SMG7: variants seen among roughly 807,000 people sequenced by gnomAD.
The protein encoded by SMG7 is nonsense-mediated mRNA decay factor SMG7.
SMG7 carries 34 observed loss-of-function variants against 148.2 expected under a neutral mutation model. That is an observed-to-expected ratio of 0.23 (90% CI 0.17 to 0.31). SMG7 has a LOEUF of 0.31. Among genes scored for constraint, SMG7 ranks in the 10% least tolerant of loss-of-function variants. The probability of loss-of-function intolerance (pLI) is 1.00; values close to 1 mark genes in which losing one functional copy is unlikely to be tolerated. For missense variants in SMG7, 1,114 were observed against 1,408.4 expected (o/e 0.79, Z 3.35); for synonymous variants, 492 against 515.1 (o/e 0.96, Z 0.61).
At position 183,481,827 on chromosome 1, in the gene SMG7, A is replaced by T. The variant is rs1016574595; in HGVS notation, c.29+9178A>T. Among the ~76,000 whole-genome samples the T allele has an allele frequency of 2.0e-5, 3 of 150,860 alleles. No individual in the cohort carries two copies. In the Admixed American group the frequency reaches 2.1e-4, roughly 10 times the overall value. On this transcript the variant is annotated intron_variant, in intron 1 of 22. Transcript: ENST00000688051. ...TGAACACCAGAGTTCAGTTTTACTT[A>T]TTTTTTTATTTTTCTCAGAGACAGG...
chr1:183,498,753 A>G (rs750556088), intron 1 of SMG7, among the ~76,000 whole-genome samples: 14 of 152,182 alleles, frequency 9.2e-5, no homozygotes, highest in Non-Finnish European at 1.8e-4. Context: ...ACTTACATTG[A>G]CACATCATAT....
rs982767950 is a variant in SMG7 at position 183,472,612 on chromosome 1, C to T, written c.-9C>T. The T allele has an allele frequency of 4.8e-6, 7 of 1,444,142 alleles. No individual in the cohort carries two copies. The highest frequency in any genetic ancestry group is 2.8e-5 in the East Asian group (1 of 35,510). 89.5% of individuals were successfully genotyped at this position (1,444,142 alleles called of 1,614,324 possible). Reference sequence around the variant, plus strand: ...GCTTCGCGGGAAGACGCGGCGGCGGCGGCGGAGGATGAGCCTGCAGAGCGC... The same window carrying T: ...GCTTCGCGGGAAGACGCGGCGGCGGTGGCGGAGGATGAGCCTGCAGAGCGC... On this transcript the variant is annotated 5_prime_UTR_variant, in exon 1 of 23. Transcript: ENST00000688051.
At chr1:183,491,511 A>G (rs980825088) in intron 1 of SMG7, among the ~76,000 whole-genome samples, 4 of 152,216 alleles carry the variant, frequency 2.6e-5, no homozygotes, top group African/African-American at 9.6e-5. Context: ...AATGTTACAT[A>G]CATGCACATA....
At chr1:183,479,331 C>A (rs886508694) in intron 1 of SMG7, among the ~76,000 whole-genome samples, 1 of 152,106 alleles carries the variant, frequency 6.6e-6, no homozygotes, top group African/African-American at 2.4e-5. Flanking sequence ...CATTGTAAGA[C>A]GTTCAGCAGC....
intron 1 of SMG7, among the ~76,000 whole-genome samples, chr1:183,507,164 C>G (rs1661121088): frequency 6.6e-6 from 1 of 152,116 alleles, no homozygotes; most frequent in Non-Finnish European, 1.5e-5. Flanking sequence ...CAGGCGTGAG[C>G]CAGTGCCCAG....
chr1:183,508,597 T>C (rs956658412), intron 1 of SMG7, among the ~76,000 whole-genome samples: 2 of 152,210 alleles, frequency 1.3e-5, no homozygotes, highest in African/African-American at 4.8e-5. Flanking sequence ...TCTCATATAT[T>C]GTACACTGTT....
At chr1:183,550,115 C>CTA in intron 20 of SMG7, 192 bp downstream of exon 20, 1 of 511,984 alleles carries the variant, frequency 2.0e-6, no homozygotes, top group Non-Finnish European at 3.4e-6. Context: ...ATAAATGCTA[C>CTA]TGACAAAACT....
intron 4 of SMG7, among the ~76,000 whole-genome samples, chr1:183,520,766 C>T (rs1387626091): frequency 6.6e-6 from 1 of 152,072 alleles, no homozygotes; most frequent in Non-Finnish European, 1.5e-5. Context: ...TAAACCAAAA[C>T]AGATCTGTAA....
chr1:183,547,342 T>G, intron 18 of SMG7, 90 bp downstream of exon 18: 1 of 1,205,532 alleles, frequency 8.3e-7, no homozygotes, highest in South Asian at 1.7e-5. Context: ...ATTTCTTCTC[T>G]TCCTGGGGCT....
At chr1:183,510,158 T>C (rs951514875) in intron 1 of SMG7, among the ~76,000 whole-genome samples, 9 of 152,122 alleles carry the variant, frequency 5.9e-5, no homozygotes, top group African/African-American at 1.9e-4. Flanking sequence ...TAGGGAAGCA[T>C]AGTAAAGTAT....
In SMG7 at chr1:183,490,177, A is replaced by G. The variant is rs115330091; in HGVS notation, c.29+17528A>G. On this transcript the variant is annotated intron_variant, in intron 1 of 22. Transcript: ENST00000688051. ...GTAACACTTGAGCAAATTTGCTACA[A>G]TGATAAAAGACCCTAACTGCAAGTT... Among the ~76,000 whole-genome samples the G allele has an allele frequency of 8.4e-3, 1,283 of 152,364 alleles. 23 individuals carry two copies. The highest frequency in any genetic ancestry group is 0.029 in the African/African-American group (1,216 of 41,592).
intron 4 of SMG7, among the ~76,000 whole-genome samples, chr1:183,523,555 T>C (rs1665210607): frequency 6.6e-6 from 1 of 152,218 alleles, no homozygotes. Flanking sequence ...TACAAAGTAA[T>C]GTACATCAGG....
intron 2 of SMG7, 121 bp downstream of exon 2, chr1:183,512,989 C>A: frequency 1.3e-6 from 1 of 798,324 alleles, no homozygotes. Flanking sequence ...AAGGGATGAT[C>A]ATTTACTATC....
chr1:183,477,518 A>G (rs570519921), intron 1 of SMG7, among the ~76,000 whole-genome samples: 3 of 149,418 alleles, frequency 2.0e-5, no homozygotes, highest in Admixed American at 6.7e-5. Context: ...GCATATATAC[A>G]TGTGTGTGCA....
intron 11 of SMG7, 43 bp from the exon 12 acceptor site, chr1:183,538,337 A>AT: frequency 7.0e-7 from 1 of 1,425,252 alleles, no homozygotes; most frequent in Non-Finnish European, 9.9e-7. Flanking sequence ...ACCAAACAAC[A>AT]TTTTAATTAA....
In SMG7 at chr1:183,545,302, G is replaced by A; in HGVS notation, c.2360G>A (p.Gly787Glu). ...GGGAAAAGCCCGCCTCACCACTCTGGATTCCAGCAGGTAAGTTACAGTTGT... is the reference window on the plus strand; with the variant it reads ...GGGAAAAGCCCGCCTCACCACTCTGAATTCCAGCAGGTAAGTTACAGTTGT... ...ALGKSPPHHS[G>E]FQQYQQADAS... Residue 787 changes from glycine (G) to glutamate (E), a missense_variant, in exon 16 of 23, where the codon GGA becomes GAA. Coordinates refer to ENST00000688051, the MANE Select transcript of SMG7 (RefSeq NM_001375584.1). 1 of 1,608,800 alleles carries A rather than the reference G, an allele frequency of 6.2e-7. No homozygotes were observed. The highest frequency in any genetic ancestry group is 1.1e-5 in the South Asian group (1 of 91,080).
intron 1 of SMG7, among the ~76,000 whole-genome samples, chr1:183,508,367 A>AT (rs889133623): frequency 7.2e-5 from 11 of 151,774 alleles, no homozygotes; most frequent in African/African-American, 2.4e-4. Flanking sequence ...CTAATTTTTT[A>AT]TTTTTTGTAG....
rs1671268017 is a variant in SMG7 at position 183,552,820 on chromosome 1, T to C, written c.*889T>C. 1.4e-6 allele frequency: 2 copies of C among 1,430,098 alleles called. No homozygotes were observed. The highest frequency in any genetic ancestry group is 2.8e-5 in the Admixed American group (1 of 35,238). 88.6% of individuals were successfully genotyped at this position (1,430,098 alleles called of 1,614,324 possible). A position where few individuals can be genotyped will look rare whatever the true frequency, so the allele number is the denominator to read the frequency against. ...TCACAGCCTGACACGTTCTAATAGGTAGAAGCTTTCAGTGTGGTTATTTTT... is the reference window on the plus strand; with the variant it reads ...TCACAGCCTGACACGTTCTAATAGGCAGAAGCTTTCAGTGTGGTTATTTTT... On this transcript the variant is annotated 3_prime_UTR_variant, in exon 23 of 23. Transcript: ENST00000688051.
In SMG7 at chr1:183,472,570, C is replaced by A; in HGVS notation, c.-51C>A. On this transcript the variant is annotated 5_prime_UTR_variant, in exon 1 of 23. The change creates a new upstream start codon in the 5' untranslated region. Transcript: ENST00000688051. ...GTGCCGCGGGGCCGCTCCGAGGAGCCTGAGAGACCCACGGAGGCTTCGCGG... is the reference window on the plus strand; with the variant it reads ...GTGCCGCGGGGCCGCTCCGAGGAGCATGAGAGACCCACGGAGGCTTCGCGG... 1 of 1,397,854 alleles carries A rather than the reference C, an allele frequency of 7.2e-7. No homozygotes were observed. Among genetic ancestry groups the A allele is most frequent in the Non-Finnish European group, 9.4e-7 (1 of 1,066,884 alleles). 86.6% of individuals were successfully genotyped at this position (1,397,854 alleles called of 1,614,324 possible). A position where few individuals can be genotyped will look rare whatever the true frequency, so the allele number is the denominator to read the frequency against.
Sources: allele counts gnomAD v4.1 joint callset (sites outside exome capture counted in the v4.1 genomes callset), GRCh38; gene constraint gnomAD v4.1.1; transcripts MANE v1.5; gene names NCBI Gene and HGNC (gene_info 2026-07-23, HGNC 2026-07-21).